Variants in FHIT observed in about 807,000 individuals in gnomAD.
FHIT encodes bis(5'-adenosyl)-triphosphatase.
FHIT carries 19 observed loss-of-function variants against 17.9 expected under a neutral mutation model. That is an observed-to-expected ratio of 1.06 (90% CI 0.74 to 1.56). The LOEUF (loss-of-function observed/expected upper bound fraction) is 1.56. Among genes scored for constraint, FHIT ranks in the 40% most tolerant of loss-of-function variants. The pLI is 0.00. For missense variants in FHIT, 248 were observed against 189.2 expected (o/e 1.31, Z -1.82); for synonymous variants, 81 against 69.7 (o/e 1.16, Z -0.81).
chr3:59,959,939 A>G (rs911587373), intron 7 of FHIT, among the ~76,000 whole-genome samples: 3 of 152,172 alleles, frequency 2.0e-5, no homozygotes, highest in Non-Finnish European at 4.4e-5. Flanking sequence ...AGATAATAAC[A>G]TATGTAGAGG....
chr3:60,897,988 T>C (rs1227201136), intron 3 of FHIT, among the ~76,000 whole-genome samples: 2 of 152,222 alleles, frequency 1.3e-5, no homozygotes, highest in Non-Finnish European at 2.9e-5. Context: ...CATGTTTATT[T>C]TAGGATAAAA....
intron 4 of FHIT, among the ~76,000 whole-genome samples, chr3:60,584,902 T>A (rs2107685319): frequency 6.6e-6 from 1 of 152,208 alleles, no homozygotes; most frequent in Admixed American, 6.6e-5. Context: ...TGATTATTTC[T>A]GGTTCCTGGT....
In FHIT at chr3:60,504,867, G is replaced by C. The variant is rs541163841; in HGVS notation, c.103+31993C>G. Among the ~76,000 whole-genome samples the C allele has an allele frequency of 3.0e-4, 45 of 152,224 alleles. 1 individual carries two copies. The highest frequency in any genetic ancestry group is 1.0e-3 in the African/African-American group (43 of 41,516). Reference sequence around the variant, plus strand: ...AATTTATAATTATTTTTCAAAGTTTGAGGAATAGGAACAACTACATTATGT... The same window carrying C: ...AATTTATAATTATTTTTCAAAGTTTCAGGAATAGGAACAACTACATTATGT... On this transcript the variant is annotated intron_variant, in intron 5 of 9. Transcript: ENST00000492590.
chr3:60,397,268 A>C (rs1321494244), intron 5 of FHIT, among the ~76,000 whole-genome samples: 1 of 152,188 alleles, frequency 6.6e-6, no homozygotes, highest in Admixed American at 6.5e-5. Context: ...CAAAGTCAGC[A>C]TTAGACACCT....
intron 4 of FHIT, among the ~76,000 whole-genome samples, chr3:60,663,213 T>A: frequency 7.1e-6 from 1 of 140,280 alleles, no homozygotes; most frequent in East Asian, 2.1e-4. Flanking sequence ...ATGTCAACAT[T>A]GTTTTAGCTA....
chr3:60,832,686 A>AT (rs782664145), intron 3 of FHIT, among the ~76,000 whole-genome samples: 5 of 150,890 alleles, frequency 3.3e-5, no homozygotes, highest in Non-Finnish European at 7.4e-5. Flanking sequence ...AAATCAATTC[A>AT]TAAAAAAAAA....
intron 4 of FHIT, among the ~76,000 whole-genome samples, chr3:60,543,925 T>C (rs2036273456): frequency 7.3e-6 from 1 of 137,072 alleles, no homozygotes; most frequent in African/African-American, 2.7e-5. Context: ...TTTTTTTTTT[T>C]TTTTTTGTAT....
At chr3:59,841,829 G>A (rs995034521) in intron 8 of FHIT, among the ~76,000 whole-genome samples, 8 of 151,994 alleles carry the variant, frequency 5.3e-5, no homozygotes, top group African/African-American at 1.9e-4. Context: ...GGATTAGCAG[G>A]GTCAGGGGTA....
At position 60,020,997 on chromosome 3, in the gene FHIT, C is replaced by A. The variant is rs867730003; in HGVS notation, c.104-6845G>T. On this transcript the variant is annotated intron_variant, in intron 5 of 9. Coordinates refer to ENST00000492590, the MANE Select transcript of FHIT (RefSeq NM_002012.4). ...CCTTTTTTCAGTGGGGATTAACATA[C>A]TCATTTCAGTAACTCAATAAAGGGT... is the stretch of plus-strand genomic sequence containing the variant. Among the ~76,000 whole-genome samples, 69 of 152,236 alleles carry A rather than the reference C, an allele frequency of 4.5e-4. 2 individuals carry two copies. Among genetic ancestry groups the A allele is most frequent in the African/African-American group, 1.1e-3 (45 of 41,530 alleles).
intron 4 of FHIT, among the ~76,000 whole-genome samples, chr3:60,746,042 T>C (rs1226081605): frequency 6.6e-6 from 1 of 152,164 alleles, no homozygotes; most frequent in African/African-American, 2.4e-5. Flanking sequence ...GTGGGTAAAA[T>C]GTTGAATTTC....
intron 5 of FHIT, among the ~76,000 whole-genome samples, chr3:60,497,132 G>T (rs567890261): frequency 6.1e-4 from 92 of 152,052 alleles, no homozygotes; most frequent in African/African-American, 2.2e-3. Flanking sequence ...GCATGGTATT[G>T]TATCTGGTCG....
chr3:60,123,952 C>T (rs80056411), intron 5 of FHIT, among the ~76,000 whole-genome samples: 1 of 113,096 alleles, frequency 8.8e-6, no homozygotes, highest in African/African-American at 3.4e-5. Flanking sequence ...CTTCCATTAA[C>T]AGAAATGCAC....
intron 2 of FHIT, among the ~76,000 whole-genome samples, chr3:61,055,431 A>G (rs537177996): frequency 3.9e-5 from 6 of 152,324 alleles, no homozygotes; most frequent in African/African-American, 1.4e-4. Context: ...CTGTAGTGTT[A>G]ACATCAGGTT....
intron 5 of FHIT, among the ~76,000 whole-genome samples, chr3:60,015,217 C>T (rs536516015): frequency 9.9e-5 from 15 of 152,088 alleles, no homozygotes; most frequent in African/African-American, 2.7e-4. Flanking sequence ...AACCCCATTC[C>T]GCTATTGGTA....
intron 4 of FHIT, among the ~76,000 whole-genome samples, chr3:60,716,248 A>G (rs1167539389): frequency 2.0e-5 from 3 of 151,864 alleles, no homozygotes; most frequent in Non-Finnish European, 4.4e-5. Flanking sequence ...GTCTCAATAA[A>G]ACTTACACAC....
At chr3:60,129,042 C>CCTTTTTTTTTTTTT (rs1553692314) in intron 5 of FHIT, among the ~76,000 whole-genome samples, 1 of 113,012 alleles carries the variant, frequency 8.8e-6, no homozygotes, top group African/African-American at 3.4e-5. Flanking sequence ...TTCTTCTTTC[C>CCTTTTTTTTTTTTT]TTTTTTGTTT....
intron 8 of FHIT, among the ~76,000 whole-genome samples, chr3:59,902,134 AGCAACGGACCC>A (rs1704357248): frequency 6.6e-6 from 1 of 152,214 alleles, no homozygotes. Flanking sequence ...TTAAAAAATG[AGCAACGGACCC>A]GCATGGATAT....
intron 8 of FHIT, among the ~76,000 whole-genome samples, chr3:59,819,632 A>G (rs1700721731): frequency 6.6e-6 from 1 of 152,166 alleles, no homozygotes. Context: ...GTATATTTGC[A>G]CACATCTAAA....
At chr3:60,882,620 A>T (rs561708417) in intron 3 of FHIT, among the ~76,000 whole-genome samples, 26 of 152,294 alleles carry the variant, frequency 1.7e-4, no homozygotes, top group Non-Finnish European at 3.2e-4. Context: ...CAAACACCAT[A>T]TGATCATCTC....
Sources: gnomAD v4.1 joint callset for allele counts (sites outside exome capture counted in the v4.1 genomes callset) on GRCh38, gnomAD v4.1.1 for gene constraint, MANE v1.5 for transcripts, NCBI Gene and HGNC (gene_info 2026-07-23, HGNC 2026-07-21) for gene names.